NRXN3: variants seen among roughly 807,000 people sequenced by gnomAD.
NRXN3 encodes neurexin III.
Under a neutral mutation model 137.6 loss-of-function variants are expected in NRXN3, and 32 were observed. That is an observed-to-expected ratio of 0.23 (90% CI 0.18 to 0.31). NRXN3 has a LOEUF of 0.31. NRXN3 is among the 10% of genes least tolerant of loss of function. The pLI is 1.00. For missense variants in NRXN3, 1,574 were observed against 2,062.5 expected, an observed-to-expected ratio of 0.76 and a Z score of 4.59; for synonymous variants, 798 against 784.5, an observed-to-expected ratio of 1.02 and a Z score of -0.29.
At chr14:78,417,859 C>T (rs946747390) in intron 4 of NRXN3, among the ~76,000 whole-genome samples, 4 of 152,276 alleles carry the variant, frequency 2.6e-5, no homozygotes, top group Non-Finnish European at 5.9e-5. Context: ...TGGGTTCAAG[C>T]GATTCTCCTC....
At chr14:79,443,590 T>A (rs2096004999) in intron 15 of NRXN3, among the ~76,000 whole-genome samples, 1 of 152,168 alleles carries the variant, frequency 6.6e-6, no homozygotes, top group Non-Finnish European at 1.5e-5. Context: ...TGAACTAAAA[T>A]TCTGGTCTGG....
intron 15 of NRXN3, among the ~76,000 whole-genome samples, chr14:79,227,792 CCCT>C (rs2071293061): frequency 1.1e-4 from 3 of 26,294 alleles, no homozygotes; most frequent in African/African-American, 3.6e-4. Flanking sequence ...CTTCCCTCCT[CCCT>C]TCCTCCCTTC....
At chr14:78,689,124 T>C (rs139928942) in intron 6 of NRXN3, among the ~76,000 whole-genome samples, 226 of 152,224 alleles carry the variant, frequency 1.5e-3, no homozygotes, top group African/African-American at 5.3e-3. Context: ...ATGCTCTTTG[T>C]GTTTCTGTTC....
intron 17 of NRXN3, among the ~76,000 whole-genome samples, chr14:79,691,655 C>G (rs1041161267): frequency 1.3e-5 from 2 of 152,066 alleles, no homozygotes; most frequent in East Asian, 3.9e-4. Flanking sequence ...TTGTCCTCTC[C>G]TCCTTTCCCC....
At chr14:79,062,545 G>C (rs2099675476) in intron 15 of NRXN3, among the ~76,000 whole-genome samples, 1 of 151,824 alleles carries the variant, frequency 6.6e-6, no homozygotes, top group South Asian at 2.1e-4. Context: ...GGCAAAAGCA[G>C]GGAGGGAGAG....
chr14:78,267,863 A>G (rs2072039029), intron 2 of NRXN3, among the ~76,000 whole-genome samples: 3 of 152,210 alleles, frequency 2.0e-5, no homozygotes, highest in Non-Finnish European at 4.4e-5. Context: ...ATTGGTGACT[A>G]ACAGCAATGC....
At chr14:79,091,181 G>A (rs529826370) in intron 15 of NRXN3, among the ~76,000 whole-genome samples, 4 of 150,952 alleles carry the variant, frequency 2.6e-5, no homozygotes, top group Non-Finnish European at 4.4e-5. Context: ...TTTTTGTCAG[G>A]TGCACTAGAT....
chr14:79,628,388 T>C (rs2098305567), intron 16 of NRXN3, among the ~76,000 whole-genome samples: 1 of 152,244 alleles, frequency 6.6e-6, no homozygotes, highest in East Asian at 1.9e-4. Flanking sequence ...TACTTTATTC[T>C]AGTATGTCCA....
intron 15 of NRXN3, among the ~76,000 whole-genome samples, chr14:79,104,651 C>T (rs1014502075): frequency 1.3e-5 from 2 of 152,154 alleles, no homozygotes; most frequent in Non-Finnish European, 2.9e-5. Context: ...AGGTAATCAA[C>T]TTCTCATTAA....
At chr14:78,213,445 CA>C (rs1481619142) in intron 1 of NRXN3, among the ~76,000 whole-genome samples, 3 of 151,868 alleles carry the variant, frequency 2.0e-5, no homozygotes, top group Non-Finnish European at 2.9e-5. Context: ...CACCTGACTC[CA>C]GTGAAAGGAG....
intron 3 of NRXN3, among the ~76,000 whole-genome samples, chr14:78,287,605 C>A (rs955794204): frequency 6.6e-6 from 1 of 152,208 alleles, no homozygotes; most frequent in African/African-American, 2.4e-5. Context: ...ACTCATTGCT[C>A]CTTTAGCTTT....
At chr14:78,206,494 A>G (rs1383606012) in intron 1 of NRXN3, among the ~76,000 whole-genome samples, 1 of 152,120 alleles carries the variant, frequency 6.6e-6, no homozygotes, top group Non-Finnish European at 1.5e-5. Context: ...GTGCCCTGAG[A>G]AGAATGCTTC....
At chr14:79,433,570 A>G (rs1210959594) in intron 15 of NRXN3, among the ~76,000 whole-genome samples, 3 of 152,092 alleles carry the variant, frequency 2.0e-5, no homozygotes, top group Non-Finnish European at 4.4e-5. Flanking sequence ...TTTTTCTTGT[A>G]TTCCAGATGA....
intron 15 of NRXN3, among the ~76,000 whole-genome samples, chr14:79,114,475 C>A (rs2054055982): frequency 6.6e-6 from 1 of 152,022 alleles, no homozygotes; most frequent in Non-Finnish European, 1.5e-5. Flanking sequence ...ATATTTTAGT[C>A]ATGTTTATGT....
intron 4 of NRXN3, among the ~76,000 whole-genome samples, chr14:78,538,202 G>T (rs2096554810): frequency 6.6e-6 from 1 of 152,182 alleles, no homozygotes; most frequent in Admixed American, 6.5e-5. Context: ...ATTACTTTGG[G>T]CAGTATGGCC....
intron 10 of NRXN3, among the ~76,000 whole-genome samples, chr14:78,940,471 T>C (rs7141953): frequency 0.12 from 18,675 of 152,188 alleles, 2,344 homozygotes; most frequent in East Asian, 0.44. Flanking sequence ...TATCACTCTC[T>C]ACTCCATTAG....
chr14:79,204,136 A>T (rs2066456724), intron 15 of NRXN3, among the ~76,000 whole-genome samples: 1 of 152,130 alleles, frequency 6.6e-6, no homozygotes, highest in Admixed American at 6.6e-5. Flanking sequence ...CAGCATTAAT[A>T]TGTGAGTAAA....
chr14:79,587,709 A>G (rs1022708481), intron 16 of NRXN3, among the ~76,000 whole-genome samples: 3 of 152,234 alleles, frequency 2.0e-5, no homozygotes, highest in Non-Finnish European at 2.9e-5. Flanking sequence ...TCACAAATAC[A>G]TATGATCAAT....
chr14:78,382,512 T>C (rs1450146481), intron 4 of NRXN3, among the ~76,000 whole-genome samples: 2 of 152,194 alleles, frequency 1.3e-5, no homozygotes, highest in African/African-American at 4.8e-5. Context: ...CTGAGCCACA[T>C]AGATCTAGCA....
Sources: allele counts gnomAD v4.1 joint callset (sites outside exome capture counted in the v4.1 genomes callset), GRCh38; gene constraint gnomAD v4.1.1; transcripts MANE v1.5; gene names NCBI Gene and HGNC (gene_info 2026-07-23, HGNC 2026-07-21).